MMP11: variants seen among roughly 807,000 people sequenced by gnomAD.
The protein encoded by MMP11 is stromelysin-3.
Under a neutral mutation model 49.5 loss-of-function variants are expected in MMP11, and 26 were observed. That is an observed-to-expected ratio of 0.52 (90% CI 0.38 to 0.73). The LOEUF (loss-of-function observed/expected upper bound fraction) is 0.73, where lower values mean the gene tolerates loss of function less well. Ranked by LOEUF, MMP11 falls within the 30% of genes least tolerant of loss-of-function variation. The pLI is 0.00. For synonymous variants in MMP11, 265 were observed against 282.3 expected (o/e 0.94, Z 0.62); for missense variants, 624 against 671.2 (o/e 0.93, Z 0.78).
At position 23,780,752 on chromosome 22, in the gene MMP11, C is replaced by A; in HGVS notation, c.616+37C>A. 1 of 1,549,628 alleles carries A rather than the reference C, an allele frequency of 6.5e-7. No homozygotes were observed. Among genetic ancestry groups the A allele is most frequent in the South Asian group, 1.2e-5 (1 of 80,350 alleles). Reference sequence around the variant, plus strand: ...GGACCCATTTTCCAGATGGGGCAACCGAAGATCATAAAGAATGGGGACTCG... The same window carrying A: ...GGACCCATTTTCCAGATGGGGCAACAGAAGATCATAAAGAATGGGGACTCG... On this transcript the variant is annotated intron_variant, in intron 4 of 7. Coordinates refer to ENST00000215743, the MANE Select transcript of MMP11 (RefSeq NM_005940.5). This position sits in a 1 kb window ranked among gnomAD's most constrained non-coding sequence, Gnocchi z 4.6.
At position 23,783,607 on chromosome 22, in the gene MMP11, C is replaced by G. The variant is rs1927728303; in HGVS notation, c.*63C>G. 2 of 1,596,046 alleles carry G rather than the reference C, an allele frequency of 1.3e-6. No individual in the cohort carries two copies. The highest frequency in any genetic ancestry group is 1.7e-6 in the Non-Finnish European group (2 of 1,165,990). On this transcript the variant is annotated 3_prime_UTR_variant, in exon 8 of 8. Transcript: ENST00000215743. ...CAGGCCACGAATATCAGGCTAGAGACCCATGGCCATCTTTGTGGCTGTGGG... is the reference window on the plus strand; with the variant it reads ...CAGGCCACGAATATCAGGCTAGAGAGCCATGGCCATCTTTGTGGCTGTGGG...
chr22:23,773,805 C>T (rs571141450), intron 1 of MMP11, among the ~76,000 whole-genome samples: 7 of 152,300 alleles, frequency 4.6e-5, no homozygotes, highest in Admixed American at 3.3e-4. Flanking sequence ...CACTCCACAG[C>T]GGAGGCATCC....
chr22:23,779,686 T>G, intron 2 of MMP11: 1 of 532,546 alleles, frequency 1.9e-6, no homozygotes, highest in South Asian at 2.6e-5. Flanking sequence ...CGGACGGGTG[T>G]TCAGTCACTC....
At chr22:23,777,638 G>C (rs966209116) in intron 1 of MMP11, 1 of 151,638 alleles carries the variant, frequency 6.6e-6, no homozygotes, top group African/African-American at 2.4e-5. Context: ...GGGAGGCTGA[G>C]GCAGAGAATT....
intron 1 of MMP11, among the ~76,000 whole-genome samples, chr22:23,775,383 T>C (rs571361080): frequency 6.6e-6 from 1 of 152,366 alleles, no homozygotes; most frequent in Admixed American, 6.5e-5. Context: ...CAAGCCCACC[T>C]GTCTCACAAG....
chr22:23,776,288 G>C (rs1927406910), intron 1 of MMP11, among the ~76,000 whole-genome samples: 1 of 152,208 alleles, frequency 6.6e-6, no homozygotes, highest in African/African-American at 2.4e-5. Context: ...GGAGAGCACA[G>C]CTCTGCCCTT....
chr22:23,776,478 A>T (rs565166824), intron 1 of MMP11, among the ~76,000 whole-genome samples: 2 of 152,316 alleles, frequency 1.3e-5, no homozygotes, highest in South Asian at 4.1e-4. Context: ...AGCCCAACGA[A>T]CCTGCCTGCA....
chr22:23,783,378 G>A (rs2877173), intron 7 of MMP11, 33 bp from the exon 8 acceptor site: 1,474,401 of 1,609,858 alleles, frequency 0.92, 677,125 homozygotes, highest in African/African-American at 0.93. Flanking sequence ...CCCAGTGTCC[G>A]CTCGCCCAGG....
chr22:23,777,202 C>T (rs1250416979), intron 1 of MMP11, among the ~76,000 whole-genome samples: 1 of 142,240 alleles, frequency 7.0e-6, no homozygotes, highest in Non-Finnish European at 1.5e-5. Flanking sequence ...GCAGGTGGAT[C>T]ATGAGGTCAG....
chr22:23,781,289 C>T lies in MMP11; in HGVS notation c.955C>T (p.Leu319Phe). 6.2e-7 allele frequency: 1 copy of T among 1,612,496 alleles called. No individual in the cohort carries two copies. Among genetic ancestry groups the T allele is most frequent in the Non-Finnish European group, 8.5e-7 (1 of 1,180,020 alleles). Residue 319 changes from leucine to phenylalanine, a missense_variant, in exon 6 of 8, where the codon CTC becomes TTC. Coordinates refer to ENST00000215743, the MANE Select transcript of MMP11 (RefSeq NM_005940.5). Reference protein sequence around the residue: ...FFFKAGFVWRLRGGQLQPGYP... With the variant: ...FFFKAGFVWRFRGGQLQPGYP... ...CTTCAAAGCGGGCTTTGTGTGGCGC[C>T]TCCGTGGGGGCCAGCTGCAGCCCGG...
chr22:23,773,022 C>A, intron 1 of MMP11, 44 bp downstream of exon 1: 1 of 1,156,058 alleles, frequency 8.7e-7, no homozygotes, highest in Non-Finnish European at 1.1e-6. Context: ...TGAGGGGGCG[C>A]CGGGCACGCG....
chr22:23,776,001 A>G (rs1927398474), intron 1 of MMP11, among the ~76,000 whole-genome samples: 1 of 152,224 alleles, frequency 6.6e-6, no homozygotes. Flanking sequence ...TGACTTGTCT[A>G]GAGTCTCCAT....
intron 1 of MMP11, among the ~76,000 whole-genome samples, chr22:23,778,629 C>T (rs1245417374): frequency 6.6e-6 from 1 of 152,226 alleles, no homozygotes; most frequent in Non-Finnish European, 1.5e-5. Flanking sequence ...AGTCAGGTTA[C>T]ACTGACTGAG....
Position 23,781,195 on chromosome 22 carries a change from A to G in MMP11, c.861A>G (p.Pro287=), listed in dbSNP as rs371094963. The part of the protein sequence containing the change: ...IDTNEIAPLE[P]DAPPDACEAS... ...TGTGTCCCTCTCTCCCACCCCAGCCAGACGCCCCGCCAGATGCCTGTGAGG... is the reference window on the plus strand; with the variant it reads ...TGTGTCCCTCTCTCCCACCCCAGCCGGACGCCCCGCCAGATGCCTGTGAGG... Residue 287 remains proline, a splice_region_variant and synonymous_variant, in exon 6 of 8, where the codon CCA becomes CCG. Coordinates refer to ENST00000215743, the MANE Select transcript of MMP11 (RefSeq NM_005940.5). The G allele has an allele frequency of 2.8e-5, 45 of 1,611,252 alleles. No homozygotes were observed. The highest frequency in any genetic ancestry group is 2.4e-4 in the African/African-American group (18 of 74,930).
intron 1 of MMP11, chr22:23,777,538 G>C (rs2145938887): frequency 6.9e-6 from 1 of 144,046 alleles, no homozygotes; most frequent in South Asian, 2.2e-4. Context: ...CTGCACTCCA[G>C]CCTGGGCGAT....
In MMP11 at chr22:23,780,552, G is replaced by T. The variant is rs1927580167; in HGVS notation, c.483-30G>T. On this transcript the variant is annotated intron_variant, in intron 3 of 7. Coordinates refer to ENST00000215743, the MANE Select transcript of MMP11 (RefSeq NM_005940.5). The surrounding 1 kb of genome is among the most constrained non-coding windows in gnomAD (Gnocchi z 4.6). ...CCGGGAACAGCCTCGCCTGCCAGCAGCCACTGACCCCGCCCCCACCCATCT... is the reference window on the plus strand; with the variant it reads ...CCGGGAACAGCCTCGCCTGCCAGCATCCACTGACCCCGCCCCCACCCATCT... The T allele has an allele frequency of 5.0e-6, 8 of 1,611,824 alleles. No individual in the cohort carries two copies. The highest frequency in any genetic ancestry group is 1.3e-5 in the African/African-American group (1 of 74,936).
intron 1 of MMP11, among the ~76,000 whole-genome samples, chr22:23,776,149 A>T (rs1457026251): frequency 6.6e-6 from 1 of 152,186 alleles, no homozygotes; most frequent in East Asian, 1.9e-4. Flanking sequence ...GGGTGGGGGC[A>T]TGCCCGTGGC....
intron 7 of MMP11, among the ~76,000 whole-genome samples, chr22:23,782,862 A>G (rs1362839052): frequency 1.3e-5 from 2 of 152,076 alleles, no homozygotes; most frequent in East Asian, 1.9e-4. Flanking sequence ...GGCTCAGGCA[A>G]TGAGGCCCCT....
At chr22:23,782,967 C>T (rs1260954766) in intron 7 of MMP11, among the ~76,000 whole-genome samples, 1 of 152,194 alleles carries the variant, frequency 6.6e-6, no homozygotes, top group African/African-American at 2.4e-5. Flanking sequence ...TGCTCCCTCC[C>T]CTGCTAGGCT....
Sources: gnomAD v4.1 joint callset for allele counts (sites outside exome capture counted in the v4.1 genomes callset) on GRCh38, gnomAD v4.1.1 for gene constraint, Gnocchi (gnomAD v3.1) non-coding constraint, MANE v1.5 for transcripts, NCBI Gene and HGNC (gene_info 2026-07-23, HGNC 2026-07-21) for gene names.